The following NLGN1 variants were observed in gnomAD, a reference collection of about 807,000 sequenced individuals.
The protein encoded by NLGN1 is neuroligin 1.
Under a neutral mutation model 65.5 loss-of-function variants are expected in NLGN1, and 12 were observed. That is an observed-to-expected ratio of 0.18 (90% confidence interval 0.12 to 0.30). NLGN1 has a LOEUF of 0.30. NLGN1 is among the 10% of genes least tolerant of loss of function. The pLI is 1.00. For missense variants in NLGN1, 750 were observed against 1,007.1 expected (o/e 0.74, Z 3.46); for synonymous variants, 350 against 359.5 (o/e 0.97, Z 0.30).
At chr3:173,999,500 T>A (rs896984746) in intron 4 of NLGN1, among the ~76,000 whole-genome samples, 1 of 152,140 alleles carries the variant, frequency 6.6e-6, no homozygotes, top group Non-Finnish European at 1.5e-5. Context: ...CAACCGTACA[T>A]CTTGTAATAA....
At chr3:174,056,678 A>G (rs1229940386) in intron 4 of NLGN1, among the ~76,000 whole-genome samples, 2 of 152,000 alleles carry the variant, frequency 1.3e-5, no homozygotes, top group Non-Finnish European at 2.9e-5. Flanking sequence ...ATAATGAACC[A>G]TTTAATAAAA....
intron 2 of NLGN1, among the ~76,000 whole-genome samples, chr3:173,480,324 A>G (rs1329334321): frequency 2.0e-5 from 3 of 152,014 alleles, no homozygotes; most frequent in Admixed American, 2.0e-4. Flanking sequence ...AAAAGAAATG[A>G]CGAATGGGTT....
Position 173,689,774 on chromosome 3 carries a change from A to G in NLGN1, c.493+84683A>G, listed in dbSNP as rs1053583987. On this transcript the variant is annotated intron_variant, in intron 3 of 6. Transcript: ENST00000457714. ...AATTAGGTACCTTGGATGAACTACA[A>G]TAAAAATCCTGTTCTCAAAAATGCA... is the stretch of plus-strand genomic sequence containing the variant. Among the ~76,000 whole-genome samples, 15 of 152,178 alleles carry G rather than the reference A, an allele frequency of 9.9e-5. 1 individual carries two copies. The highest frequency in any genetic ancestry group is 3.9e-4 in the Admixed American group (6 of 15,270).
intron 3 of NLGN1, among the ~76,000 whole-genome samples, chr3:173,758,752 A>G (rs1373648945): frequency 6.6e-6 from 1 of 152,030 alleles, no homozygotes; most frequent in Non-Finnish European, 1.5e-5. Flanking sequence ...TAAAACTTAA[A>G]AAAATAGCTA....
At chr3:173,527,122 T>C (rs1284781427) in intron 2 of NLGN1, among the ~76,000 whole-genome samples, 1 of 152,186 alleles carries the variant, frequency 6.6e-6, no homozygotes, top group Non-Finnish European at 1.5e-5. Context: ...AGTTCTATTT[T>C]TAGTTTCTTG....
intron 4 of NLGN1, among the ~76,000 whole-genome samples, chr3:174,128,812 C>T (rs543609919): frequency 6.6e-6 from 1 of 152,216 alleles, no homozygotes; most frequent in Non-Finnish European, 1.5e-5. Context: ...CCGAAAAGAA[C>T]ATCATAAAGC....
chr3:174,240,646 T>G (rs1248330187), intron 4 of NLGN1, among the ~76,000 whole-genome samples: 1 of 152,180 alleles, frequency 6.6e-6, no homozygotes, highest in Admixed American at 6.5e-5. Context: ...TAGAGCAGCA[T>G]CCATAGAGTT....
intron 4 of NLGN1, among the ~76,000 whole-genome samples, chr3:174,216,195 C>T (rs1481040849): frequency 6.6e-6 from 1 of 152,128 alleles, no homozygotes; most frequent in Non-Finnish European, 1.5e-5. Flanking sequence ...AGGATCTGGA[C>T]TCCTCCCACT....
chr3:174,063,836 T>A (rs532303321), intron 4 of NLGN1, among the ~76,000 whole-genome samples: 1 of 152,172 alleles, frequency 6.6e-6, no homozygotes, highest in Non-Finnish European at 1.5e-5. Context: ...AAATTTTTAA[T>A]AGTAAAAGGG....
At chr3:173,515,654 A>G (rs562638596) in intron 2 of NLGN1, among the ~76,000 whole-genome samples, 3 of 152,168 alleles carry the variant, frequency 2.0e-5, no homozygotes, top group African/African-American at 7.2e-5. Context: ...TTTTGAGTTG[A>G]TTTTTGTGTG....
At chr3:173,781,776 A>C (rs1337163645) in intron 3 of NLGN1, among the ~76,000 whole-genome samples, 1 of 152,220 alleles carries the variant, frequency 6.6e-6, no homozygotes, top group Non-Finnish European at 1.5e-5. Context: ...AATCCACTGA[A>C]GCAATATATG....
intron 3 of NLGN1, among the ~76,000 whole-genome samples, chr3:173,638,046 T>G (rs1756863688): frequency 6.6e-6 from 1 of 152,196 alleles, no homozygotes; most frequent in South Asian, 2.1e-4. Flanking sequence ...TTACTTTTCC[T>G]CCATCTCCCA....
chr3:173,425,875 A>T (rs1271895440), intron 1 of NLGN1, among the ~76,000 whole-genome samples: 1 of 152,060 alleles, frequency 6.6e-6, no homozygotes, highest in African/African-American at 2.4e-5. Flanking sequence ...GAAAAATATC[A>T]TTGTTATTTT....
At chr3:173,478,088 A>G (rs1160830666) in intron 2 of NLGN1, among the ~76,000 whole-genome samples, 1 of 152,248 alleles carries the variant, frequency 6.6e-6, no homozygotes, top group Non-Finnish European at 1.5e-5. Context: ...ATTCTGTTAC[A>G]AAGATACATG....
chr3:173,788,833 TAAAAA>T (rs3979635), intron 3 of NLGN1, among the ~76,000 whole-genome samples: 3 of 53,536 alleles, frequency 5.6e-5, no homozygotes, highest in Admixed American at 2.8e-4. Context: ...AGACCTCATT[TAAAAA>T]AAAAAAAAAA....
chr3:173,741,102 A>C (rs1182975434), intron 3 of NLGN1, among the ~76,000 whole-genome samples: 1 of 152,170 alleles, frequency 6.6e-6, no homozygotes, highest in African/African-American at 2.4e-5. Context: ...CATTTTATAA[A>C]CTAATAGAAC....
intron 4 of NLGN1, among the ~76,000 whole-genome samples, chr3:173,982,864 G>A (rs1411035580): frequency 6.6e-6 from 1 of 152,066 alleles, no homozygotes; most frequent in Non-Finnish European, 1.5e-5. Flanking sequence ...GTTTTGTTGT[G>A]TGCCAACATG....
chr3:173,780,748 C>T (rs1780995633), intron 3 of NLGN1, among the ~76,000 whole-genome samples: 1 of 152,054 alleles, frequency 6.6e-6, no homozygotes, highest in East Asian at 1.9e-4. Context: ...TAAAGGTGTG[C>T]CCAGAGTATT....
intron 4 of NLGN1, among the ~76,000 whole-genome samples, chr3:173,831,454 T>G (rs1290340276): frequency 6.6e-6 from 1 of 152,204 alleles, no homozygotes; most frequent in Non-Finnish European, 1.5e-5. Context: ...ACAGAACCAC[T>G]GTGAACACAA....
Sources: allele counts gnomAD v4.1 joint callset (sites outside exome capture counted in the v4.1 genomes callset), GRCh38; gene constraint gnomAD v4.1.1; transcripts MANE v1.5; gene names NCBI Gene and HGNC (gene_info 2026-07-23, HGNC 2026-07-21).